Variants in MGAT4C observed in about 807,000 individuals in gnomAD.
MGAT4C encodes the protein MGAT4 family member C.
MGAT4C carries 19 observed loss-of-function variants against 40.1 expected under a neutral mutation model. The ratio of observed to expected loss-of-function variants is 0.47; its 90% CI spans 0.33 to 0.70. MGAT4C has a LOEUF of 0.70. Among genes scored for constraint, MGAT4C ranks in the 30% least tolerant of loss-of-function variants. MGAT4C has a pLI of 0.02. For missense variants in MGAT4C, 491 were observed against 563.2 expected, an observed-to-expected ratio of 0.87 and a Z score of 1.30; for synonymous variants, 181 against 187.1, an observed-to-expected ratio of 0.97 and a Z score of 0.27.
intron 1 of MGAT4C, among the ~76,000 whole-genome samples, chr12:86,764,238 T>G (rs111843306): frequency 6.6e-6 from 1 of 152,084 alleles, no homozygotes; most frequent in Non-Finnish European, 1.5e-5. Flanking sequence ...GAGGGTCCTA[T>G]GCCCACGGAG....
chr12:86,728,793 T>C (rs1462176485), intron 1 of MGAT4C, among the ~76,000 whole-genome samples: 4 of 152,256 alleles, frequency 2.6e-5, no homozygotes, highest in Non-Finnish European at 5.9e-5. Context: ...TTTAACATTA[T>C]TGTCTAGTGT....
intron 1 of MGAT4C, among the ~76,000 whole-genome samples, chr12:86,770,431 T>G (rs1458128461): frequency 6.6e-6 from 1 of 152,124 alleles, no homozygotes; most frequent in East Asian, 1.9e-4. Flanking sequence ...TTTTGTTAAA[T>G]AATCAAATGT....
intron 2 of MGAT4C, among the ~76,000 whole-genome samples, chr12:86,513,946 G>C (rs1038220654): frequency 2.0e-5 from 3 of 151,866 alleles, no homozygotes; most frequent in Non-Finnish European, 2.9e-5. Flanking sequence ...GGGCATAAAG[G>C]ATTTGAAGCC....
At chr12:86,496,909 A>G (rs1958245925) in intron 2 of MGAT4C, among the ~76,000 whole-genome samples, 1 of 152,058 alleles carries the variant, frequency 6.6e-6, no homozygotes, top group Non-Finnish European at 1.5e-5. Context: ...CCATAAAACC[A>G]TATTGAACCC....
intron 2 of MGAT4C, among the ~76,000 whole-genome samples, chr12:86,605,232 G>A (rs1238729692): frequency 2.0e-5 from 3 of 151,798 alleles, no homozygotes; most frequent in Admixed American, 6.6e-5. Flanking sequence ...TTTCAAGAAG[G>A]GTAAATTCTT....
At chr12:86,771,092 G>T (rs150752068) in intron 1 of MGAT4C, among the ~76,000 whole-genome samples, 1 of 152,090 alleles carries the variant, frequency 6.6e-6, no homozygotes, top group African/African-American at 2.4e-5. Flanking sequence ...TCTATAGAGA[G>T]ATGATATGAA....
chr12:86,724,720 G>A (rs1036177052), intron 2 of MGAT4C, among the ~76,000 whole-genome samples: 2 of 152,148 alleles, frequency 1.3e-5, no homozygotes, highest in Non-Finnish European at 2.9e-5. Flanking sequence ...TAAGTTATTT[G>A]TTAATTTACT....
chr12:86,700,456 A>G (rs888082955), intron 2 of MGAT4C, among the ~76,000 whole-genome samples: 3 of 152,132 alleles, frequency 2.0e-5, no homozygotes, highest in African/African-American at 7.2e-5. Flanking sequence ...GACTTCATGT[A>G]AAGCAAGTTA....
chr12:86,446,731 G>A (rs1957347879), intron 2 of MGAT4C, among the ~76,000 whole-genome samples: 1 of 138,998 alleles, frequency 7.2e-6, no homozygotes, highest in Non-Finnish European at 1.5e-5. Context: ...GGTGGAAAGA[G>A]TGTGGATTTC....
At chr12:86,238,925 A>G (rs1205175547) in intron 1 of MGAT4C, among the ~76,000 whole-genome samples, 1 of 152,098 alleles carries the variant, frequency 6.6e-6, no homozygotes, top group Non-Finnish European at 1.5e-5. Flanking sequence ...ATTAAAAAGT[A>G]TTCTATAAAA....
chr12:86,520,150 T>C (rs908636247), intron 2 of MGAT4C, among the ~76,000 whole-genome samples: 1 of 152,180 alleles, frequency 6.6e-6, no homozygotes, highest in African/African-American at 2.4e-5. Flanking sequence ...TTGTACAGAT[T>C]ATTTCATCAC....
In MGAT4C at chr12:85,971,230, A is replaced by G. The variant is rs1468464732; in HGVS notation, c.*8059T>C. The G allele has an allele frequency of 6.6e-6, 1 of 151,208 alleles. No individual in the cohort carries two copies. The highest frequency in any genetic ancestry group is 1.5e-5 in the Non-Finnish European group (1 of 67,392). The allele number at this position is 151,208 out of a possible 1,614,324, so 9.4% of individuals were successfully genotyped here. A position where few individuals can be genotyped will look rare whatever the true frequency, so the allele number is the denominator to read the frequency against. On this transcript the variant is annotated 3_prime_UTR_variant, in exon 5 of 5. Transcript: ENST00000611864. ...AAAGAAAATAATTTTTATGGTAACT[A>G]ATTTTAGTAGTGCATCAGATCAACA...
chr12:86,504,423 G>T (rs1958433730), intron 2 of MGAT4C, among the ~76,000 whole-genome samples: 1 of 152,246 alleles, frequency 6.6e-6, no homozygotes, highest in Non-Finnish European at 1.5e-5. Flanking sequence ...ATACATTTGA[G>T]TATTAACAAG....
rs759270217 is a variant in MGAT4C, at chr12:85,977,389, G to C, written c.*1900C>G. ...GTTAATAAAAGATAAGAAAAATAAA[G>C]AAAATAGAACATTTTTAGGTGTCTG... is the stretch of plus-strand genomic sequence containing the variant. On this transcript the variant is annotated 3_prime_UTR_variant, in exon 5 of 5. Coordinates refer to ENST00000611864, the MANE Select transcript of MGAT4C (RefSeq NM_001351288.2). 2 of 151,296 alleles carry C rather than the reference G, an allele frequency of 1.3e-5. No individual in the cohort carries two copies. The highest frequency in any genetic ancestry group is 3.0e-5 in the Non-Finnish European group (2 of 67,458). The allele number at this position is 151,296 out of a possible 1,614,324, so 9.4% of individuals were successfully genotyped here. A position where few individuals can be genotyped will look rare whatever the true frequency, so the allele number is the denominator to read the frequency against.
intron 1 of MGAT4C, among the ~76,000 whole-genome samples, chr12:86,084,473 G>A (rs926966269): frequency 6.6e-6 from 1 of 151,976 alleles, no homozygotes; most frequent in Non-Finnish European, 1.5e-5. Flanking sequence ...CACATTTAGT[G>A]TTTCAAGAGA....
At chr12:86,513,834 C>G (rs1958635959) in intron 2 of MGAT4C, among the ~76,000 whole-genome samples, 1 of 152,118 alleles carries the variant, frequency 6.6e-6, no homozygotes, top group South Asian at 2.1e-4. Context: ...GGCATTTTAA[C>G]TTGCCTTTAT....
chr12:86,145,921 C>G (rs1365788943), intron 1 of MGAT4C, among the ~76,000 whole-genome samples: 2 of 152,012 alleles, frequency 1.3e-5, no homozygotes, highest in Admixed American at 6.6e-5. Context: ...GTTTTTACTA[C>G]TAGATGCGAC....
rs889872731 is a variant in MGAT4C, at chr12:85,963,007, A to G, written c.*16282T>C. The G allele has an allele frequency of 2.0e-5, 3 of 151,950 alleles. No individual in the cohort carries two copies. The highest frequency in any genetic ancestry group is 3.5e-3 in the Middle Eastern group (1 of 288). 9.4% of individuals were successfully genotyped at this position (151,950 alleles called of 1,614,324 possible). On this transcript the variant is annotated 3_prime_UTR_variant, in exon 5 of 5. Coordinates refer to ENST00000611864, the MANE Select transcript of MGAT4C (RefSeq NM_001351288.2). ...CAAACACTGATCTTTTTAAGTGGCA[A>G]ATTGTCCAAAAGAATTTAATTAATA... is the stretch of plus-strand genomic sequence containing the variant.
At chr12:86,658,594 A>T (rs1174112266) in intron 2 of MGAT4C, among the ~76,000 whole-genome samples, 1 of 152,152 alleles carries the variant, frequency 6.6e-6, no homozygotes, top group Admixed American at 6.6e-5. Flanking sequence ...AAAAGAATAA[A>T]AGTAGTCATT....
Sources: gnomAD v4.1 joint callset for allele counts (sites outside exome capture counted in the v4.1 genomes callset) on GRCh38, gnomAD v4.1.1 for gene constraint, MANE v1.5 for transcripts, NCBI Gene and HGNC (gene_info 2026-07-23, HGNC 2026-07-21) for gene names.